Variants in SLC2A12 observed in about 807,000 individuals in gnomAD.
The protein encoded by SLC2A12 is solute carrier family 2 member 12.
SLC2A12 carries 23 observed loss-of-function variants against 41.8 expected under a neutral mutation model. That is an observed-to-expected ratio of 0.55 (90% CI 0.40 to 0.78). The LOEUF is 0.78. SLC2A12 is among the 30% of genes least tolerant of loss of function. The pLI, the probability that SLC2A12 is intolerant of heterozygous loss-of-function variation, is 0.00. For synonymous variants in SLC2A12, 295 were observed against 285.9 expected (o/e 1.03, Z -0.32); for missense variants, 654 against 745.6 (o/e 0.88, Z 1.43).
intron 3 of SLC2A12, among the ~76,000 whole-genome samples, chr6:134,003,157 C>T (rs1181180940): frequency 6.6e-6 from 1 of 152,156 alleles, no homozygotes; most frequent in African/African-American, 2.4e-5. Flanking sequence ...ATGAAAGAAT[C>T]GAAGCATAGT....
chr6:133,998,996 T>C (rs557082872), intron 4 of SLC2A12, among the ~76,000 whole-genome samples: 3 of 152,338 alleles, frequency 2.0e-5, no homozygotes, highest in Admixed American at 1.3e-4. Context: ...AATATTAAGC[T>C]AGGTAGGCAT....
chr6:133,996,916 G>A (rs1053186313), intron 4 of SLC2A12, among the ~76,000 whole-genome samples: 1 of 151,906 alleles, frequency 6.6e-6, no homozygotes, highest in African/African-American at 2.4e-5. Flanking sequence ...TGCTCACATT[G>A]TCATTTTAAA....
chr6:133,997,754 A>G (rs760936769), intron 4 of SLC2A12, among the ~76,000 whole-genome samples: 1 of 152,196 alleles, frequency 6.6e-6, no homozygotes, highest in South Asian at 2.1e-4. Flanking sequence ...AGCATCATGC[A>G]GTAAACCTTT....
Position 134,028,983 on chromosome 6 carries a change from A to G in SLC2A12, c.842T>C (p.Ile281Thr). The G allele has an allele frequency of 6.2e-7, 1 of 1,614,236 alleles. No homozygotes were observed. Among genetic ancestry groups the G allele is most frequent in the Non-Finnish European group, 8.5e-7 (1 of 1,180,040 alleles). ...SKDNMRTRIM[I>T]GLTLVFFVQI... ...TACAAAAAATACTAGTGTTAGTCCT[A>G]TCATTATTCGGGTCCGCATGTTGTC... The change falls in exon 2 of 5, where the codon ATA becomes ACA. Residue 281 changes from isoleucine to threonine, a missense_variant. Ile to Thr is a moderately conservative substitution (Grantham distance 89). Coordinates refer to ENST00000275230, the MANE Select transcript of SLC2A12 (RefSeq NM_145176.3).
intron 2 of SLC2A12, among the ~76,000 whole-genome samples, chr6:134,012,348 A>T (rs1776898288): frequency 6.6e-6 from 1 of 152,250 alleles, no homozygotes; most frequent in South Asian, 2.1e-4. Flanking sequence ...AAATTGGACT[A>T]AATGGAATAA....
chr6:133,997,106 A>C (rs1191844832), intron 4 of SLC2A12, among the ~76,000 whole-genome samples: 1 of 149,972 alleles, frequency 6.7e-6, no homozygotes. Flanking sequence ...AAAAAAAAAA[A>C]AAAAGCCGGG....
intron 1 of SLC2A12, among the ~76,000 whole-genome samples, chr6:134,036,086 G>T (rs1236037539): frequency 6.6e-6 from 1 of 152,150 alleles, no homozygotes; most frequent in African/African-American, 2.4e-5. Flanking sequence ...TATTGCATAT[G>T]GACATAATGG....
intron 2 of SLC2A12, among the ~76,000 whole-genome samples, chr6:134,021,337 T>G (rs1016784067): frequency 6.6e-6 from 1 of 152,208 alleles, no homozygotes; most frequent in African/African-American, 2.4e-5. Context: ...TAAACCAGCA[T>G]GATTTTTAAA....
At position 134,029,055 on chromosome 6, in the gene SLC2A12, A is replaced by G. The variant is rs201727585; in HGVS notation, c.770T>C (p.Leu257Pro). The part of the protein sequence containing the change: ...TEELTVIKSS[L>P]KDEYQYSFWD... Reference sequence around the variant, plus strand: ...AAAACTGTACTGATATTCATCTTTCAGGGAGGATTTGATCACAGTGAGTTC... The same window carrying G: ...AAAACTGTACTGATATTCATCTTTCGGGGAGGATTTGATCACAGTGAGTTC... Residue 257 changes from leucine (L) to proline (P), a missense_variant, in exon 2 of 5, where the codon CTG becomes CCG. This residue lies in a region of SLC2A12 where 411 missense variants were observed against 412.1 expected (regional missense o/e 1.00). Transcript: ENST00000275230. 1 of 1,614,222 alleles carries G rather than the reference A, an allele frequency of 6.2e-7. No individual in the cohort carries two copies. The highest frequency in any genetic ancestry group is 1.7e-5 in the Admixed American group (1 of 60,026).
chr6:134,025,695 G>T (rs1777103961), intron 2 of SLC2A12, among the ~76,000 whole-genome samples: 1 of 152,074 alleles, frequency 6.6e-6, no homozygotes. Context: ...ACAACTGTGT[G>T]CCACAATGCC....
chr6:134,034,970 T>C (rs904940968), intron 1 of SLC2A12, among the ~76,000 whole-genome samples: 1 of 152,018 alleles, frequency 6.6e-6, no homozygotes, highest in Non-Finnish European at 1.5e-5. Context: ...TTGTGGACAT[T>C]ACAGAAGTGG....
chr6:133,998,221 C>G (rs2114421259), intron 4 of SLC2A12, among the ~76,000 whole-genome samples: 1 of 152,260 alleles, frequency 6.6e-6, no homozygotes, highest in African/African-American at 2.4e-5. Flanking sequence ...TTTAGATACC[C>G]ACATCATATG....
At chr6:133,993,116 CTCT>C (rs377577361) in intron 4 of SLC2A12, among the ~76,000 whole-genome samples, 1 of 152,296 alleles carries the variant, frequency 6.6e-6, no homozygotes, top group East Asian at 1.9e-4. Flanking sequence ...TTTTAACACT[CTCT>C]TCTTTGCTCG....
chr6:134,019,376 G>A (rs570677620), intron 2 of SLC2A12, among the ~76,000 whole-genome samples: 118 of 152,172 alleles, frequency 7.8e-4, no homozygotes, highest in African/African-American at 2.5e-3. Flanking sequence ...AAATCTTCAC[G>A]TTGTTCTGTG....
chr6:133,994,907 G>C (rs1048854424), intron 4 of SLC2A12, among the ~76,000 whole-genome samples: 2 of 152,122 alleles, frequency 1.3e-5, no homozygotes, highest in African/African-American at 4.8e-5. Context: ...AGCATTTCAG[G>C]AAGGACTATC....
In SLC2A12 at chr6:133,987,736, A is replaced by G. The variant is rs973936677; in HGVS notation, c.*3419T>C. On this transcript the variant is annotated 3_prime_UTR_variant, in exon 5 of 5. Coordinates refer to ENST00000275230, the MANE Select transcript of SLC2A12 (RefSeq NM_145176.3). Reference sequence around the variant, plus strand: ...AACAAATAGGAATTTTTTTTCTTGCAGATTAGAAATAAAAACGTGTATATA... The same window carrying G: ...AACAAATAGGAATTTTTTTTCTTGCGGATTAGAAATAAAAACGTGTATATA... The G allele has an allele frequency of 7.9e-5, 12 of 152,022 alleles. No individual in the cohort carries two copies. Among genetic ancestry groups the G allele is most frequent in the Non-Finnish European group, 1.3e-4 (9 of 67,908 alleles). 9.4% of individuals were successfully genotyped at this position (152,022 alleles called of 1,614,324 possible).
In SLC2A12 at chr6:133,989,904, C is replaced by T. The variant is rs915456424; in HGVS notation, c.*1251G>A. The T allele has an allele frequency of 1.3e-5, 2 of 152,140 alleles. No individual in the cohort carries two copies. Among genetic ancestry groups the T allele is most frequent in the Non-Finnish European group, 2.9e-5 (2 of 68,006 alleles). 9.4% of individuals were successfully genotyped at this position (152,140 alleles called of 1,614,324 possible). Reference sequence around the variant, plus strand: ...AAATTCTTTTTCAAGTTAGGTTGTTCGTGCTTTTAAGTTTTTTGTGTGTCT... The same window carrying T: ...AAATTCTTTTTCAAGTTAGGTTGTTTGTGCTTTTAAGTTTTTTGTGTGTCT... On this transcript the variant is annotated 3_prime_UTR_variant, in exon 5 of 5. Coordinates refer to ENST00000275230, the MANE Select transcript of SLC2A12 (RefSeq NM_145176.3).
At chr6:134,049,678 C>A (rs1773646651) in intron 1 of SLC2A12, among the ~76,000 whole-genome samples, 1 of 152,146 alleles carries the variant, frequency 6.6e-6, no homozygotes, top group Admixed American at 6.5e-5. Flanking sequence ...AAAAATGTAA[C>A]CACTTTGAGT....
At chr6:134,001,347 C>G (rs1776752350) in intron 4 of SLC2A12, among the ~76,000 whole-genome samples, 1 of 152,100 alleles carries the variant, frequency 6.6e-6, no homozygotes, top group Non-Finnish European at 1.5e-5. Flanking sequence ...ATCAGTAGCA[C>G]AGAAGATTCA....
Sources: allele counts gnomAD v4.1 joint callset (sites outside exome capture counted in the v4.1 genomes callset), GRCh38; gene constraint gnomAD v4.1.1; regional missense constraint gnomAD v4.1.1; transcripts MANE v1.5; gene names NCBI Gene and HGNC (gene_info 2026-07-23, HGNC 2026-07-21).